CENPU: variants seen among roughly 807,000 people sequenced by gnomAD.
CENPU encodes KSHV latent nuclear antigen interacting protein 1.
Under a neutral mutation model 56.7 loss-of-function variants are expected in CENPU, and 46 were observed. The observed-to-expected ratio is 0.81, with a 90% CI of 0.64 to 1.04. CENPU has a LOEUF of 1.04. Ranked by LOEUF, CENPU falls within the 50% of genes least tolerant of loss-of-function variation. CENPU has a pLI of 0.00. For missense variants in CENPU, 510 were observed against 490.1 expected, an observed-to-expected ratio of 1.04 and a Z score of -0.38; for synonymous variants, 166 against 163.0, an observed-to-expected ratio of 1.02 and a Z score of -0.14.
At chr4:184,722,251 G>A (rs1761305963) in intron 4 of CENPU, among the ~76,000 whole-genome samples, 1 of 151,844 alleles carries the variant, frequency 6.6e-6, no homozygotes, top group Non-Finnish European at 1.5e-5. Flanking sequence ...GTACTAAGAG[G>A]GAAGTTTACA....
At chr4:184,732,466 G>C (rs1200778432) in intron 1 of CENPU, among the ~76,000 whole-genome samples, 1 of 152,068 alleles carries the variant, frequency 6.6e-6, no homozygotes, top group Non-Finnish European at 1.5e-5. Flanking sequence ...GACAAGTATT[G>C]GTTTTATGGC....
Position 184,717,156 on chromosome 4 carries a change from C to T in CENPU, c.361G>A (p.Val121Ile). 1 of 1,611,996 alleles carries T rather than the reference C, an allele frequency of 6.2e-7. No homozygotes were observed. The highest frequency in any genetic ancestry group is 8.5e-7 in the Non-Finnish European group (1 of 1,179,434). Residue 121 changes from valine (V) to isoleucine (I), a missense_variant, in exon 5 of 13, where the codon GTA becomes ATA. By Grantham distance (29) the Val-to-Ile change is conservative. Transcript: ENST00000281453. ...SGNEASEIES[V>I]KISAKKPGRK... ...CATACCTTTTTTGCACTAATTTTTACAGATTCGATTTCACTTGCTTCATTT... is the reference window on the plus strand; with the variant it reads ...CATACCTTTTTTGCACTAATTTTTATAGATTCGATTTCACTTGCTTCATTT...
chr4:184,718,904 G>A (rs183473963), intron 4 of CENPU, among the ~76,000 whole-genome samples: 20 of 152,254 alleles, frequency 1.3e-4, no homozygotes, highest in African/African-American at 4.1e-4. Context: ...AGAGAAATAC[G>A]GCCAATGTGC....
At chr4:184,733,957 C>G (rs1037161234) in intron 1 of CENPU, 59 bp downstream of exon 1, 2 of 1,606,176 alleles carry the variant, frequency 1.2e-6, no homozygotes, top group Non-Finnish European at 1.7e-6. Flanking sequence ...CCACGGCAGG[C>G]GAGGAAGCAG....
At chr4:184,711,001 G>A (rs945118854) in intron 7 of CENPU, among the ~76,000 whole-genome samples, 3 of 152,088 alleles carry the variant, frequency 2.0e-5, no homozygotes, top group Non-Finnish European at 2.9e-5. Context: ...GACTACAAGT[G>A]TACGCCACTA....
chr4:184,716,674 G>A (rs1229183396), intron 5 of CENPU, 41 bp from the exon 6 acceptor site: 12 of 1,423,314 alleles, frequency 8.4e-6, no homozygotes, highest in Non-Finnish European at 1.2e-5. Context: ...GTAGAAAATA[G>A]AAATGCTTAT....
chr4:184,722,356 A>G (rs1384546992), intron 4 of CENPU, among the ~76,000 whole-genome samples: 1 of 152,202 alleles, frequency 6.6e-6, no homozygotes, highest in East Asian at 1.9e-4. Context: ...AACCAAATCC[A>G]AAACTAATAA....
At chr4:184,718,340 A>G (rs1440707327) in intron 4 of CENPU, among the ~76,000 whole-genome samples, 2 of 152,234 alleles carry the variant, frequency 1.3e-5, no homozygotes, top group African/African-American at 4.8e-5. Context: ...CCTCTGCCCA[A>G]TCCTGCTTCT....
At chr4:184,718,415 A>T (rs2150220661) in intron 4 of CENPU, among the ~76,000 whole-genome samples, 1 of 152,120 alleles carries the variant, frequency 6.6e-6, no homozygotes, top group East Asian at 1.9e-4. Context: ...CTCAGTGTCT[A>T]CTCACCCCAG....
intron 4 of CENPU, among the ~76,000 whole-genome samples, chr4:184,724,625 G>A (rs1761394751): frequency 6.6e-6 from 1 of 152,124 alleles, no homozygotes; most frequent in Non-Finnish European, 1.5e-5. Flanking sequence ...TAATTATAGA[G>A]AATTTGTAAA....
chr4:184,699,335 T>TAAAC (rs777074974), intron 11 of CENPU, among the ~76,000 whole-genome samples: 2 of 144,588 alleles, frequency 1.4e-5, no homozygotes, highest in African/African-American at 5.3e-5. Context: ...GTCTCAAAAA[T>TAAAC]AAATAAATAA....
At position 184,734,022 on chromosome 4, in the gene CENPU, G is replaced by C. The variant is rs1283783024; in HGVS notation, c.41C>G (p.Ser14Cys). ...RGRRRPRPHRSEGARRSKNTL... is the reference protein window; with the variant it reads ...RGRRRPRPHRCEGARRSKNTL... Reference sequence around the variant, plus strand: ...GAGGGTCGGCAGTACTTACCCCTCAGACCTGTGAGGCCGCGGCCGCCGCCG... The same window carrying C: ...GAGGGTCGGCAGTACTTACCCCTCACACCTGTGAGGCCGCGGCCGCCGCCG... The change falls in exon 1 of 13, where the codon TCT becomes TGT. Residue 14 changes from serine to cysteine, a missense_variant. Physicochemically the swap from Ser to Cys is moderately radical, Grantham distance 112 (BLOSUM62 -1). Transcript: ENST00000281453. The C allele has an allele frequency of 3.1e-6, 5 of 1,601,662 alleles. No individual in the cohort carries two copies. In the Admixed American group the frequency reaches 8.6e-5, roughly 28 times the overall value.
chr4:184,697,883 G>T, intron 11 of CENPU, 80 bp from the exon 12 acceptor site: 1 of 1,135,958 alleles, frequency 8.8e-7, no homozygotes, highest in Non-Finnish European at 1.2e-6. Flanking sequence ...CGCTGAGCGA[G>T]TGTGAAGAAC....
intron 1 of CENPU, among the ~76,000 whole-genome samples, chr4:184,731,272 G>A (rs974527544): frequency 4.6e-5 from 7 of 152,230 alleles, no homozygotes; most frequent in South Asian, 2.1e-4. Context: ...GCTAAGCCCC[G>A]ACACCTGCTC....
Position 184,730,249 on chromosome 4 carries a change from C to T in CENPU, c.96+671G>A, listed in dbSNP as rs185731270. ...CTGAGAGAAATCCACCCAAAGAACCCGTGAAGTAATGCCGGGGTGGGAGCA... is the reference window on the plus strand; with the variant it reads ...CTGAGAGAAATCCACCCAAAGAACCTGTGAAGTAATGCCGGGGTGGGAGCA... On this transcript the variant is annotated intron_variant, in intron 2 of 12. Transcript: ENST00000281453. 7.9e-4 allele frequency among the ~76,000 whole-genome samples: 121 copies of T among 152,248 alleles called. 1 individual carries two copies. Among genetic ancestry groups the T allele is most frequent in the Admixed American group, 3.9e-3 (60 of 15,298 alleles).
At chr4:184,711,898 G>A (rs766298193) in intron 7 of CENPU, among the ~76,000 whole-genome samples, 3 of 152,130 alleles carry the variant, frequency 2.0e-5, no homozygotes, top group African/African-American at 4.8e-5. Flanking sequence ...CAAGGCAGGC[G>A]GATCATGAGG....
chr4:184,698,263 G>GA (rs1382616411), intron 11 of CENPU: 1 of 152,454 alleles, frequency 6.6e-6, no homozygotes, highest in African/African-American at 2.4e-5. Context: ...GTGCCTGGAT[G>GA]AAAATGTGTG....
chr4:184,733,297 C>A (rs1761720156), intron 1 of CENPU: 7 of 985,938 alleles, frequency 7.1e-6, no homozygotes, highest in Middle Eastern at 5.1e-4. Flanking sequence ...TCTACCAGCA[C>A]CTCCTCCTCC....
chr4:184,712,227 C>T (rs1760950829), intron 7 of CENPU, among the ~76,000 whole-genome samples: 2 of 151,654 alleles, frequency 1.3e-5, no homozygotes, highest in African/African-American at 4.8e-5. Context: ...AGTGTAATCA[C>T]ACAATGGAAT....
Sources: gnomAD v4.1 joint callset for allele counts (sites outside exome capture counted in the v4.1 genomes callset) on GRCh38, gnomAD v4.1.1 for gene constraint, MANE v1.5 for transcripts, NCBI Gene and HGNC (gene_info 2026-07-23, HGNC 2026-07-21) for gene names.